The following PRUNE2 variants were observed in gnomAD, a reference collection of about 807,000 sequenced individuals.
PRUNE2 encodes the protein prune homolog 2 with BCH domain, also known as protein prune homolog 2.
PRUNE2 carries 164 observed loss-of-function variants against 252.0 expected under a neutral mutation model. That is an observed-to-expected ratio of 0.65 (90% CI 0.57 to 0.74). PRUNE2 has a LOEUF of 0.74. PRUNE2 is among the 30% of genes least tolerant of loss of function. The pLI, the probability that PRUNE2 is intolerant of heterozygous loss-of-function variation, is 0.00. For missense variants in PRUNE2, 3,495 were observed against 3,711.0 expected, an observed-to-expected ratio of 0.94 and a Z score of 1.51; for synonymous variants, 1,292 against 1,350.2, an observed-to-expected ratio of 0.96 and a Z score of 0.94.
chr9:76,843,849 C>T (rs1337782899), intron 4 of PRUNE2, among the ~76,000 whole-genome samples: 1 of 151,740 alleles, frequency 6.6e-6, no homozygotes, highest in Non-Finnish European at 1.5e-5. Context: ...CCGCCTCAGC[C>T]TCCCAAGTAG....
chr9:76,633,852 A>G lies in PRUNE2; in HGVS notation c.9050+2619T>C, dbSNP rs748937579. 6.6e-5 allele frequency among the ~76,000 whole-genome samples: 10 copies of G among 152,218 alleles called. 1 individual carries two copies. The highest frequency in any genetic ancestry group is 5.9e-5 in the Non-Finnish European group (4 of 68,028). ...TGCTTCAGGCTGGGCATGGTGGCTC[A>G]TGCCTGTAATCTCAGCACTTTGGGC... On this transcript the variant is annotated intron_variant, in intron 15 of 18. Coordinates refer to ENST00000376718, the MANE Select transcript of PRUNE2 (RefSeq NM_015225.3).
At chr9:76,774,923 C>CTTCT (rs1249648463) in intron 6 of PRUNE2, among the ~76,000 whole-genome samples, 2 of 152,288 alleles carry the variant, frequency 1.3e-5, no homozygotes, top group Middle Eastern at 3.4e-3. Context: ...TGTTGCTGAG[C>CTTCT]TTCTATTTCC....
chr9:76,841,914 T>C (rs551999908), intron 4 of PRUNE2, among the ~76,000 whole-genome samples: 5 of 152,250 alleles, frequency 3.3e-5, no homozygotes, highest in African/African-American at 1.2e-4. Context: ...TCTATCCCCA[T>C]TGAATCTGCT....
At chr9:76,823,763 T>A in intron 5 of PRUNE2, 37 bp from the exon 6 acceptor site, 1 of 1,288,536 alleles carries the variant, frequency 7.8e-7, no homozygotes, top group East Asian at 2.3e-5. Flanking sequence ...TATGTTATAC[T>A]TGAGGGATTT....
chr9:76,729,910 C>T (rs1475550927), intron 6 of PRUNE2, among the ~76,000 whole-genome samples: 2 of 152,126 alleles, frequency 1.3e-5, no homozygotes, highest in Admixed American at 6.5e-5. Flanking sequence ...AATCTGAACA[C>T]AGACTCCTAC....
intron 16 of PRUNE2, among the ~76,000 whole-genome samples, chr9:76,625,880 A>C (rs1052917528): frequency 1.2e-4 from 18 of 152,116 alleles, no homozygotes; most frequent in African/African-American, 1.7e-4. Context: ...ATTGGCTTCC[A>C]AGCATAGGGC....
At chr9:76,777,322 G>A (rs1225990446) in intron 6 of PRUNE2, among the ~76,000 whole-genome samples, 1 of 152,138 alleles carries the variant, frequency 6.6e-6, no homozygotes, top group Non-Finnish European at 1.5e-5. Context: ...AAAGTCTTCT[G>A]AGAAAGAATA....
chr9:76,773,182 T>C (rs1292617984), intron 6 of PRUNE2, among the ~76,000 whole-genome samples: 2 of 152,230 alleles, frequency 1.3e-5, no homozygotes, highest in African/African-American at 2.4e-5. Flanking sequence ...TTTGTTGTTG[T>C]TGGGATTCAT....
In PRUNE2 at chr9:76,614,608, GAAAAGA is replaced by G; in HGVS notation, c.9237-14_9237-9del. 1 of 1,607,240 alleles carries G rather than the reference GAAAAGA, an allele frequency of 6.2e-7. No homozygotes were observed. The highest frequency in any genetic ancestry group is 1.3e-5 in the African/African-American group (1 of 74,764). ...TTCAGCTTCAAGTCAATACTGCAAA[GAAAAGA>G]AAAAGAGAGAGAAACATGAGAAACC... On this transcript the variant is annotated splice_polypyrimidine_tract_variant and intron_variant, in intron 18 of 18. Transcript: ENST00000376718.
intron 15 of PRUNE2, among the ~76,000 whole-genome samples, chr9:76,630,551 G>A (rs1837113099): frequency 6.6e-6 from 1 of 152,180 alleles, no homozygotes. Flanking sequence ...TTGAGACAGA[G>A]TCTCGCTCTG....
At chr9:76,778,623 T>C (rs2054051167) in intron 6 of PRUNE2, 2 of 152,228 alleles carry the variant, frequency 1.3e-5, no homozygotes, top group African/African-American at 2.4e-5. Flanking sequence ...TGGATGATCA[T>C]TTCTCATCTC....
chr9:76,612,281 T>G lies in PRUNE2; in HGVS notation c.*2289A>C, dbSNP rs1827669043. 6.6e-6 allele frequency: 1 copy of G among 152,176 alleles called. No individual in the cohort carries two copies. Among genetic ancestry groups the G allele is most frequent in the South Asian group, 2.1e-4 (1 of 4,826 alleles). The allele number at this position is 152,176 out of a possible 1,614,324, so 9.4% of individuals were successfully genotyped here. The stretch of plus-strand genomic sequence containing the variant: ...TACCACCTGAGTAGTTTTCCATAGA[T>G]GAGCTGGACAAGTTAAAAATATATA... On this transcript the variant is annotated 3_prime_UTR_variant, in exon 19 of 19. Coordinates refer to ENST00000376718, the MANE Select transcript of PRUNE2 (RefSeq NM_015225.3).
intron 1 of PRUNE2, among the ~76,000 whole-genome samples, chr9:76,884,626 T>C (rs900060151): frequency 2.0e-5 from 3 of 152,236 alleles, no homozygotes; most frequent in Non-Finnish European, 4.4e-5. Flanking sequence ...CTGCCAGTGA[T>C]CTCTTTCATT....
In PRUNE2 at chr9:76,706,530, G is replaced by C; in HGVS notation, c.5744C>G (p.Pro1915Arg). ...EQLWNIQPRQ[P>R]DPDADKFSQL... ...GCTGAACTTGTCAGCATCTGGGTCTGGCTGCCTTGGTTGAATGTTCCAGAG... is the reference window on the plus strand; with the variant it reads ...GCTGAACTTGTCAGCATCTGGGTCTCGCTGCCTTGGTTGAATGTTCCAGAG... Residue 1915 changes from proline (P) to arginine (R), a missense_variant, in exon 8 of 19, where the codon CCA becomes CGA. By Grantham distance (103) the Pro-to-Arg change is moderately radical (BLOSUM62 -2). Transcript: ENST00000376718. The C allele has an allele frequency of 1.2e-6, 2 of 1,613,924 alleles. No homozygotes were observed. Among genetic ancestry groups the C allele is most frequent in the Non-Finnish European group, 1.7e-6 (2 of 1,179,892 alleles).
At chr9:76,741,535 A>G (rs2049619343) in intron 6 of PRUNE2, among the ~76,000 whole-genome samples, 1 of 152,178 alleles carries the variant, frequency 6.6e-6, no homozygotes, top group Admixed American at 6.5e-5. Flanking sequence ...CATACAAACA[A>G]AAAGAAGAAG....
chr9:76,656,310 AC>A (rs1849208542), intron 9 of PRUNE2, among the ~76,000 whole-genome samples: 1 of 152,122 alleles, frequency 6.6e-6, no homozygotes, highest in Admixed American at 6.5e-5. Flanking sequence ...GTTCAGTAAG[AC>A]CCCATTTACC....
At chr9:76,680,328 A>T (rs1309043405) in intron 9 of PRUNE2, among the ~76,000 whole-genome samples, 2 of 152,224 alleles carry the variant, frequency 1.3e-5, no homozygotes, top group Non-Finnish European at 2.9e-5. Context: ...ACTCATTAGG[A>T]TGGCTACTGT....
chr9:76,804,237 C>T (rs549333267), intron 6 of PRUNE2, among the ~76,000 whole-genome samples: 1 of 152,204 alleles, frequency 6.6e-6, no homozygotes, highest in African/African-American at 2.4e-5. Flanking sequence ...ACTGTGTCCC[C>T]CAAACTGCAC....
chr9:76,628,630 C>A (rs1004751882), intron 16 of PRUNE2, among the ~76,000 whole-genome samples: 2 of 151,974 alleles, frequency 1.3e-5, no homozygotes, highest in African/African-American at 2.4e-5. Context: ...TTACTTTTTC[C>A]AAAGTGGTAG....
Sources: allele counts gnomAD v4.1 joint callset (sites outside exome capture counted in the v4.1 genomes callset), GRCh38; gene constraint gnomAD v4.1.1; transcripts MANE v1.5; gene names NCBI Gene and HGNC (gene_info 2026-07-23, HGNC 2026-07-21).